TMEM132E: variants seen among roughly 807,000 people sequenced by gnomAD.
TMEM132E encodes the protein transmembrane protein 132E.
Under a neutral mutation model 78.5 loss-of-function variants are expected in TMEM132E, and 49 were observed. The ratio of observed to expected loss-of-function variants is 0.62; its 90% CI spans 0.50 to 0.79. TMEM132E has a LOEUF of 0.79. TMEM132E is among the 30% of genes least tolerant of loss of function. The pLI is 0.00. For missense variants in TMEM132E, 1,403 were observed against 1,470.9 expected, an observed-to-expected ratio of 0.95 and a Z score of 0.75; for synonymous variants, 715 against 670.6, an observed-to-expected ratio of 1.07 and a Z score of -1.02.
rs549933340 is a variant in TMEM132E at position 34,596,056 on chromosome 17, A to AC, written c.67+14914dup. Among the ~76,000 whole-genome samples the AC allele has an allele frequency of 1.8e-3, 124 of 70,490 alleles. 1 individual carries two copies. The highest frequency in any genetic ancestry group is 4.9e-3 in the African/African-American group (117 of 23,836). The allele number at this position is 70,490 out of a possible 152,430, so 46.2% of individuals were successfully genotyped here. On this transcript the variant is annotated intron_variant, in intron 1 of 8. Transcript: ENST00000631683. ...TCTCACGTCTCTCTGTCACACACAC[A>AC]CACACACACACGCACAACTTGCATT...
chr17:34,634,396 A>T (rs1907448174), intron 6 of TMEM132E, among the ~76,000 whole-genome samples: 1 of 152,230 alleles, frequency 6.6e-6, no homozygotes, highest in Admixed American at 6.5e-5. Context: ...TAGTTTCCAC[A>T]CAACTGCAGG....
At position 34,628,960 on chromosome 17, in the gene TMEM132E, G is replaced by C. The variant is rs373745007; in HGVS notation, c.1146-52G>C. ...CCACTGAGAGTTTCTGAGCTCCTGG[G>C]CTGCTCCCAGCCCTTCATCCTCTGC... On this transcript the variant is annotated intron_variant, in intron 3 of 8. Transcript: ENST00000631683. 3.3e-6 allele frequency: 5 copies of C among 1,511,720 alleles called. No homozygotes were observed. The South Asian group carries it at 6.7e-5, about 20-fold the overall frequency. 93.6% of individuals were successfully genotyped at this position (1,511,720 alleles called of 1,614,324 possible).
chr17:34,627,475 T>TGCGCGCACGTGCGCGCGCGC (rs1567720036), intron 2 of TMEM132E, among the ~76,000 whole-genome samples: 1 of 141,350 alleles, frequency 7.1e-6, no homozygotes, highest in African/African-American at 2.8e-5. Context: ...ATCGTGTGTG[T>TGCGCGCACGTGCGCGCGCGC]GTGTGTGTGT....
At chr17:34,619,994 A>G (rs1906907839) in intron 1 of TMEM132E, among the ~76,000 whole-genome samples, 1 of 152,202 alleles carries the variant, frequency 6.6e-6, no homozygotes, top group African/African-American at 2.4e-5. Flanking sequence ...ACCTAATGAC[A>G]ATTTTTTTTC....
At chr17:34,585,211 T>C (rs1315963315) in intron 1 of TMEM132E, among the ~76,000 whole-genome samples, 1 of 152,226 alleles carries the variant, frequency 6.6e-6, no homozygotes, top group African/African-American at 2.4e-5. Context: ...TGAGCTTTAT[T>C]GGAATCCATT....
chr17:34,635,966 C>G, intron 7 of TMEM132E, 41 bp from the exon 8 acceptor site: 1 of 1,348,224 alleles, frequency 7.4e-7, no homozygotes. Flanking sequence ...GGGGGGTGTG[C>G]TTTCCTGGTT....
At chr17:34,621,296 G>T (rs529317664) in intron 1 of TMEM132E, among the ~76,000 whole-genome samples, 1 of 152,172 alleles carries the variant, frequency 6.6e-6, no homozygotes, top group African/African-American at 2.4e-5. Context: ...TTGATTTCTG[G>T]TGAGGGTTGT....
chr17:34,611,896 T>TC (rs772879016), intron 1 of TMEM132E, among the ~76,000 whole-genome samples: 176 of 152,254 alleles, frequency 1.2e-3, no homozygotes, highest in Non-Finnish European at 1.8e-3. Flanking sequence ...CTGGGCCTTG[T>TC]CACCACCCTA....
intron 8 of TMEM132E, 37 bp from the exon 9 acceptor site, chr17:34,637,140 C>G: frequency 1.3e-6 from 2 of 1,553,878 alleles, no homozygotes; most frequent in East Asian, 2.3e-5. Flanking sequence ...TGAACCAGCT[C>G]TTTGACTCCT....
chr17:34,617,860 T>C (rs532484851), intron 1 of TMEM132E, among the ~76,000 whole-genome samples: 1 of 152,246 alleles, frequency 6.6e-6, no homozygotes, highest in Non-Finnish European at 1.5e-5. Flanking sequence ...AAGCAATGTG[T>C]GTTCATTGCA....
In TMEM132E at chr17:34,597,990, A is replaced by G. The variant is rs571510040; in HGVS notation, c.67+16847A>G. ...GATGAGACAGAATTGGACTAAATCA[A>G]TGATTTCCTAAAACATTTTTAGCCA... is the stretch of plus-strand genomic sequence containing the variant. On this transcript the variant is annotated intron_variant, in intron 1 of 8. Transcript: ENST00000631683. 3.9e-5 allele frequency among the ~76,000 whole-genome samples: 6 copies of G among 152,312 alleles called. No individual in the cohort carries two copies. In the South Asian group the frequency reaches 6.2e-4, roughly 16 times the overall value.
At chr17:34,632,580 G>A (rs1319358885) in intron 5 of TMEM132E, 124 bp from the exon 6 acceptor site, 11 of 910,384 alleles carry the variant, frequency 1.2e-5, no homozygotes, top group Admixed American at 2.0e-5. Context: ...CCTTCCACTG[G>A]CCTCCTCCCC....
At position 34,636,027 on chromosome 17, in the gene TMEM132E, G is replaced by T; in HGVS notation, c.1998G>T (p.Glu666Asp). The part of the protein sequence containing the change: ...TPFKVVSPLT[E>D]AVLGETLLTV... ...CTCAGGTGGTGTCTCCGCTGACGGA[G>T]GCTGTGCTCGGGGAGACGCTGCTGA... Residue 666 changes from glutamate (E) to aspartate (D), a missense_variant, in exon 8 of 9, where the codon GAG becomes GAT. Transcript: ENST00000631683. 1 of 1,522,970 alleles carries T rather than the reference G, an allele frequency of 6.6e-7. No homozygotes were observed. Among genetic ancestry groups the T allele is most frequent in the Non-Finnish European group, 8.8e-7 (1 of 1,137,496 alleles). 94.3% of individuals were successfully genotyped at this position (1,522,970 alleles called of 1,614,324 possible).
chr17:34,588,840 G>A (rs1905764927), intron 1 of TMEM132E, among the ~76,000 whole-genome samples: 1 of 152,148 alleles, frequency 6.6e-6, no homozygotes. Flanking sequence ...TGCAACCACT[G>A]TCTCCTGGGT....
intron 1 of TMEM132E, among the ~76,000 whole-genome samples, chr17:34,585,387 A>AG (rs1870749910): frequency 6.6e-6 from 1 of 152,196 alleles, no homozygotes; most frequent in Non-Finnish European, 1.5e-5. Context: ...TGAAACCCTG[A>AG]GAGGCACCAA....
intron 1 of TMEM132E, among the ~76,000 whole-genome samples, chr17:34,589,383 CTG>C (rs1402091727): frequency 6.6e-6 from 1 of 152,188 alleles, no homozygotes; most frequent in Non-Finnish European, 1.5e-5. Context: ...AAATAGGGAG[CTG>C]TCATGATGGA....
At chr17:34,633,133 A>T (rs1907407272) in intron 6 of TMEM132E, among the ~76,000 whole-genome samples, 1 of 152,246 alleles carries the variant, frequency 6.6e-6, no homozygotes, top group Non-Finnish European at 1.5e-5. Flanking sequence ...CCAGTCTCTC[A>T]GTCCAGCAGG....
At chr17:34,596,437 G>A (rs982460426) in intron 1 of TMEM132E, among the ~76,000 whole-genome samples, 1 of 152,014 alleles carries the variant, frequency 6.6e-6, no homozygotes, top group African/African-American at 2.4e-5. Context: ...ACTCCCCCTG[G>A]GCCCTAATCC....
intron 1 of TMEM132E, among the ~76,000 whole-genome samples, chr17:34,623,076 T>C (rs1907011253): frequency 6.6e-6 from 1 of 152,078 alleles, no homozygotes; most frequent in Non-Finnish European, 1.5e-5. Flanking sequence ...GCAAAGGCCC[T>C]GGGGTAGAAA....
Sources: allele counts gnomAD v4.1 joint callset (sites outside exome capture counted in the v4.1 genomes callset), GRCh38; gene constraint gnomAD v4.1.1; transcripts MANE v1.5; gene names NCBI Gene and HGNC (gene_info 2026-07-23, HGNC 2026-07-21).